Variants in GALNT10 observed in about 807,000 individuals in gnomAD.
GALNT10 encodes the protein GalNAc transferase 10.
In GALNT10, 41 loss-of-function variants were observed where a neutral mutation model predicts 75.0. The ratio of observed to expected loss-of-function variants is 0.55; its 90% CI spans 0.43 to 0.71. The LOEUF (loss-of-function observed/expected upper bound fraction) is 0.71, where lower values mean the gene tolerates loss of function less well. Ranked by LOEUF, GALNT10 falls within the 30% of genes least tolerant of loss-of-function variation. The probability of loss-of-function intolerance (pLI) is 0.00; values close to 1 mark genes in which losing one functional copy is unlikely to be tolerated. For missense variants in GALNT10, 727 were observed against 818.5 expected (o/e 0.89, Z 1.36); for synonymous variants, 302 against 313.0 (o/e 0.96, Z 0.37).
intron 4 of GALNT10, among the ~76,000 whole-genome samples, chr5:154,373,077 G>A (rs959348064): frequency 6.6e-6 from 1 of 152,172 alleles, no homozygotes; most frequent in African/African-American, 2.4e-5. Context: ...GTCAGACGCT[G>A]AGGCATCTCT....
intron 3 of GALNT10, among the ~76,000 whole-genome samples, chr5:154,320,655 A>G (rs541241761): frequency 1.3e-5 from 2 of 152,334 alleles, no homozygotes; most frequent in Admixed American, 1.3e-4. Context: ...GGCCAACATA[A>G]TGAAGTTGGA....
intron 3 of GALNT10, among the ~76,000 whole-genome samples, chr5:154,320,235 A>G (rs1199313752): frequency 6.6e-6 from 1 of 152,226 alleles, no homozygotes; most frequent in Non-Finnish European, 1.5e-5. Flanking sequence ...GCTGTGATCC[A>G]AGCTGAGCCT....
At chr5:154,371,407 C>A (rs1373644969) in intron 4 of GALNT10, among the ~76,000 whole-genome samples, 1 of 152,160 alleles carries the variant, frequency 6.6e-6, no homozygotes, top group East Asian at 1.9e-4. Flanking sequence ...GCCACAACAA[C>A]TCCTCCTTAT....
At chr5:154,395,615 T>C (rs935497170) in intron 7 of GALNT10, among the ~76,000 whole-genome samples, 19 of 152,190 alleles carry the variant, frequency 1.2e-4, no homozygotes, top group African/African-American at 4.1e-4. Context: ...AGGCCTTGGC[T>C]CTAGGCCCTG....
At chr5:154,268,599 G>A (rs673746) in intron 1 of GALNT10, among the ~76,000 whole-genome samples, 4 of 152,216 alleles carry the variant, frequency 2.6e-5, no homozygotes, top group Admixed American at 6.5e-5. Context: ...ATATTAAATC[G>A]CATTCAGAAA....
intron 1 of GALNT10, among the ~76,000 whole-genome samples, chr5:154,281,368 G>T (rs1754036492): frequency 6.6e-6 from 1 of 152,170 alleles, no homozygotes; most frequent in African/African-American, 2.4e-5. Context: ...ATAGTATTTA[G>T]AAATAAAATT....
chr5:154,325,433 G>T (rs914003701), intron 3 of GALNT10, among the ~76,000 whole-genome samples: 1 of 151,978 alleles, frequency 6.6e-6, no homozygotes, highest in Admixed American at 6.6e-5. Flanking sequence ...ATAGACCAGC[G>T]TGCCTTATAA....
intron 1 of GALNT10, among the ~76,000 whole-genome samples, chr5:154,222,445 G>A (rs988989623): frequency 1.3e-5 from 2 of 152,062 alleles, no homozygotes; most frequent in South Asian, 4.1e-4. Flanking sequence ...ACAAGTCTTT[G>A]TGTATATATA....
intron 3 of GALNT10, among the ~76,000 whole-genome samples, chr5:154,305,549 A>T (rs1456453401): frequency 1.3e-5 from 2 of 152,236 alleles, no homozygotes; most frequent in Non-Finnish European, 2.9e-5. Context: ...GTCAAAAGAA[A>T]GCTGCAGAGG....
chr5:154,294,854 A>C lies in GALNT10; in HGVS notation c.198A>C (p.Gly66=). ...HSRQKKTFFL[G]DGQKLKDWHD... The stretch of plus-strand genomic sequence containing the variant: ...GACAAAAGAAAACGTTTTTCTTGGG[A>C]GATGGGCAGAAGCTGAAGGACTGGC... Residue 66 remains glycine, a synonymous_variant, in exon 2 of 12, where the codon GGA becomes GGC. Transcript: ENST00000297107. 16 of 1,606,502 alleles carry C rather than the reference A, an allele frequency of 1.0e-5. No homozygotes were observed. The highest frequency in any genetic ancestry group is 1.4e-5 in the Non-Finnish European group (16 of 1,173,244).
At chr5:154,405,182 CGCT>C (rs947661027) in intron 8 of GALNT10, among the ~76,000 whole-genome samples, 14 of 152,280 alleles carry the variant, frequency 9.2e-5, no homozygotes, top group African/African-American at 3.4e-4. Context: ...CTGTCCAGGG[CGCT>C]GCCTCCTCCT....
intron 7 of GALNT10, among the ~76,000 whole-genome samples, chr5:154,403,203 G>A (rs752450885): frequency 2.6e-5 from 4 of 152,156 alleles, no homozygotes; most frequent in Non-Finnish European, 5.9e-5. Flanking sequence ...GCCTGCCAAG[G>A]AGGGTCTGTG....
At chr5:154,290,632 C>T (rs1012478111) in intron 1 of GALNT10, among the ~76,000 whole-genome samples, 9 of 152,176 alleles carry the variant, frequency 5.9e-5, no homozygotes, top group African/African-American at 2.2e-4. Flanking sequence ...TGATTGTCTC[C>T]GTTCATCTGA....
intron 1 of GALNT10, among the ~76,000 whole-genome samples, chr5:154,202,427 T>C (rs542634173): frequency 1.3e-5 from 2 of 152,210 alleles, no homozygotes; most frequent in Non-Finnish European, 2.9e-5. Context: ...TTTATTGAGC[T>C]CTTACTGCGT....
At chr5:154,309,304 C>G (rs780312869) in intron 3 of GALNT10, among the ~76,000 whole-genome samples, 9 of 152,004 alleles carry the variant, frequency 5.9e-5, no homozygotes, top group Admixed American at 4.6e-4. Context: ...AGAAGTTAGG[C>G]TGGAGAGGTG....
chr5:154,269,221 T>A (rs7725901), intron 1 of GALNT10, among the ~76,000 whole-genome samples: 61,801 of 151,676 alleles, frequency 0.41, 14,902 homozygotes, highest in East Asian at 0.76. Context: ...CCTGACCTCG[T>A]GATCCGCCTG....
At chr5:154,410,223 A>C (rs1476154259) in intron 9 of GALNT10, among the ~76,000 whole-genome samples, 1 of 152,182 alleles carries the variant, frequency 6.6e-6, no homozygotes, top group East Asian at 1.9e-4. Context: ...ACTGATGAGT[A>C]AGAAAGGGCT....
At chr5:154,230,373 G>A (rs763695301) in intron 1 of GALNT10, among the ~76,000 whole-genome samples, 7 of 152,184 alleles carry the variant, frequency 4.6e-5, no homozygotes, top group Non-Finnish European at 8.8e-5. Context: ...TAGTTACGGA[G>A]TGTGGAGATT....
At chr5:154,340,065 G>T (rs1466105353) in intron 4 of GALNT10, among the ~76,000 whole-genome samples, 2 of 152,180 alleles carry the variant, frequency 1.3e-5, no homozygotes, top group Admixed American at 1.3e-4. Flanking sequence ...TGTGGTATTT[G>T]CCATTACCTT....
Sources: allele counts gnomAD v4.1 joint callset (sites outside exome capture counted in the v4.1 genomes callset), GRCh38; gene constraint gnomAD v4.1.1; transcripts MANE v1.5; gene names NCBI Gene and HGNC (gene_info 2026-07-23, HGNC 2026-07-21).